PTPRG: variants seen among roughly 807,000 people sequenced by gnomAD.
PTPRG encodes receptor-type tyrosine-protein phosphatase gamma.
Under a neutral mutation model 165.3 loss-of-function variants are expected in PTPRG, and 102 were observed. That is an observed-to-expected ratio of 0.62 (90% CI 0.53 to 0.73). The LOEUF (loss-of-function observed/expected upper bound fraction) is 0.73. PTPRG is among the 30% of genes least tolerant of loss of function. The pLI, the probability that PTPRG is intolerant of heterozygous loss-of-function variation, is 0.00. For synonymous variants in PTPRG, 675 were observed against 669.5 expected (o/e 1.01, Z -0.13); for missense variants, 1,866 against 1,861.4 (o/e 1.00, Z -0.05).
At chr3:62,000,188 G>C (rs1439517043) in intron 3 of PTPRG, among the ~76,000 whole-genome samples, 1 of 151,530 alleles carries the variant, frequency 6.6e-6, no homozygotes, top group Admixed American at 6.6e-5. Flanking sequence ...CACTGAGGCA[G>C]GAGAATCACT....
chr3:62,099,309 T>A (rs975848941), intron 5 of PTPRG, among the ~76,000 whole-genome samples: 1 of 152,220 alleles, frequency 6.6e-6, no homozygotes, highest in Non-Finnish European at 1.5e-5. Flanking sequence ...CATTTTTTGA[T>A]TCCTTACTAA....
intron 4 of PTPRG, among the ~76,000 whole-genome samples, chr3:62,072,989 G>T (rs1309093887): frequency 6.6e-6 from 1 of 152,164 alleles, no homozygotes; most frequent in African/African-American, 2.4e-5. Context: ...AAAAATAGGA[G>T]AACGTGGCAG....
chr3:61,871,510 A>G (rs1237883907), intron 2 of PTPRG, among the ~76,000 whole-genome samples: 1 of 151,964 alleles, frequency 6.6e-6, no homozygotes, highest in Non-Finnish European at 1.5e-5. Flanking sequence ...GGCCCCTTTT[A>G]CTGTTTAAAA....
At chr3:61,984,975 C>T (rs1271032618) in intron 2 of PTPRG, among the ~76,000 whole-genome samples, 3 of 152,202 alleles carry the variant, frequency 2.0e-5, no homozygotes, top group East Asian at 1.9e-4. Context: ...AAGAATACCA[C>T]GGAGGTGATT....
At chr3:62,007,282 C>G (rs1045041950) in intron 4 of PTPRG, among the ~76,000 whole-genome samples, 1 of 152,236 alleles carries the variant, frequency 6.6e-6, no homozygotes, top group African/African-American at 2.4e-5. Context: ...TTAAAGCTCT[C>G]TGAATTTTCC....
intron 2 of PTPRG, among the ~76,000 whole-genome samples, chr3:61,975,658 A>G (rs1022317956): frequency 2.7e-5 from 3 of 112,324 alleles, no homozygotes; most frequent in Non-Finnish European, 5.4e-5. Flanking sequence ...ATTTTTCTGA[A>G]GAATACTTTT....
rs1049344779 is a variant in PTPRG at position 61,719,010 on chromosome 3, T to C, written c.86-29868T>C. 3.3e-5 allele frequency among the ~76,000 whole-genome samples: 5 copies of C among 152,280 alleles called. No homozygotes were observed. The South Asian group carries it at 6.2e-4, about 19-fold the overall frequency. On this transcript the variant is annotated intron_variant, in intron 1 of 29. Transcript: ENST00000474889. The stretch of plus-strand genomic sequence containing the variant: ...AACAATCCATCAAGAATGGTACATA[T>C]ACCAGCCATCACCTGGCTCACTAAA...
chr3:62,201,565 A>G lies in PTPRG; in HGVS notation c.1377+11A>G. On this transcript the variant is annotated intron_variant, in intron 11 of 29. Coordinates refer to ENST00000474889, the MANE Select transcript of PTPRG (RefSeq NM_002841.4). ...GTGAAAACAGGAGTGGTAAGTAGAG[A>G]ATGGGAAATTGCTTTGTCGTGGCTG... The G allele has an allele frequency of 2.5e-6, 4 of 1,608,592 alleles. No individual in the cohort carries two copies. Among genetic ancestry groups the G allele is most frequent in the Non-Finnish European group, 3.4e-6 (4 of 1,176,970 alleles).
intron 1 of PTPRG, among the ~76,000 whole-genome samples, chr3:61,643,543 G>T (rs1489655395): frequency 5.9e-5 from 9 of 152,178 alleles, no homozygotes; most frequent in Admixed American, 5.9e-4. Flanking sequence ...ACTTTGGGAG[G>T]CCGAGGCGGT....
At chr3:61,623,510 C>T (rs947188206) in intron 1 of PTPRG, among the ~76,000 whole-genome samples, 2 of 152,128 alleles carry the variant, frequency 1.3e-5, no homozygotes, top group Non-Finnish European at 2.9e-5. Context: ...GGAAGAGGCT[C>T]CCGACTCTCA....
chr3:61,747,084 C>G (rs1157264168), intron 1 of PTPRG, among the ~76,000 whole-genome samples: 1 of 151,860 alleles, frequency 6.6e-6, no homozygotes, highest in Non-Finnish European at 1.5e-5. Flanking sequence ...GATCTTGCTA[C>G]TGCACTCCAG....
intron 28 of PTPRG, among the ~76,000 whole-genome samples, chr3:62,285,168 C>T (rs1026350111): frequency 2.0e-5 from 3 of 152,070 alleles, no homozygotes; most frequent in Admixed American, 6.6e-5. Flanking sequence ...CGGGGGAAAC[C>T]CAATGCCTGG....
At chr3:62,078,095 A>C in intron 4 of PTPRG, 68 bp from the exon 5 acceptor site, 4 of 1,009,440 alleles carry the variant, frequency 4.0e-6, no homozygotes, top group Non-Finnish European at 6.0e-6. Context: ...CATTTATGGT[A>C]CTATTCTCTC....
intron 2 of PTPRG, among the ~76,000 whole-genome samples, chr3:61,878,460 G>A (rs2037801670): frequency 6.6e-6 from 1 of 152,030 alleles, no homozygotes; most frequent in African/African-American, 2.4e-5. Context: ...ATTTTGGCTT[G>A]ACTTGACATC....
chr3:61,986,834 A>G (rs2040775662), intron 2 of PTPRG, among the ~76,000 whole-genome samples: 1 of 152,208 alleles, frequency 6.6e-6, no homozygotes, highest in Non-Finnish European at 1.5e-5. Context: ...GATGGGTAAT[A>G]TCATGTCTGA....
At chr3:61,936,258 A>G (rs2039481998) in intron 2 of PTPRG, among the ~76,000 whole-genome samples, 1 of 152,196 alleles carries the variant, frequency 6.6e-6, no homozygotes, top group Non-Finnish European at 1.5e-5. Context: ...AGCAGCACAG[A>G]CAGACTAAGA....
chr3:61,738,311 T>TATATAC (rs2032829615), intron 1 of PTPRG, among the ~76,000 whole-genome samples: 3 of 81,474 alleles, frequency 3.7e-5, no homozygotes, highest in South Asian at 4.4e-4. Context: ...TATATATATA[T>TATATAC]ACATATATAT....
intron 1 of PTPRG, among the ~76,000 whole-genome samples, chr3:61,720,761 A>T (rs140039597): frequency 6.6e-6 from 1 of 152,178 alleles, no homozygotes; most frequent in African/African-American, 2.4e-5. Flanking sequence ...TGTATTTCTG[A>T]TGTAGCTAGA....
At chr3:61,993,806 G>A (rs1349255486) in intron 3 of PTPRG, among the ~76,000 whole-genome samples, 1 of 151,890 alleles carries the variant, frequency 6.6e-6, no homozygotes, top group Admixed American at 6.6e-5. Context: ...GAAATTTACA[G>A]GTCACTTATC....
Sources: allele counts gnomAD v4.1 joint callset (sites outside exome capture counted in the v4.1 genomes callset), GRCh38; gene constraint gnomAD v4.1.1; transcripts MANE v1.5; gene names NCBI Gene and HGNC (gene_info 2026-07-23, HGNC 2026-07-21).